Variants in MRPS31 observed in about 807,000 individuals in gnomAD.
MRPS31 encodes small ribosomal subunit protein mS31.
Under a neutral mutation model 43.1 loss-of-function variants are expected in MRPS31, and 32 were observed. That is an observed-to-expected ratio of 0.74 (90% CI 0.56 to 1.00). The LOEUF (loss-of-function observed/expected upper bound fraction) is 1.00, where lower values mean the gene tolerates loss of function less well. Among genes scored for constraint, MRPS31 ranks in the 50% least tolerant of loss-of-function variants. MRPS31 has a pLI of 0.00. For missense variants in MRPS31, 437 were observed against 466.7 expected (o/e 0.94, Z 0.59); for synonymous variants, 165 against 161.6 (o/e 1.02, Z -0.16).
rs1239981622 is a variant in MRPS31 at position 40,749,223 on chromosome 13, T to C, written c.873A>G (p.Glu291=). ...EFAKQLATVN[E]QPLQNGFEEL... is the part of the protein sequence containing the mutation. Reference sequence around the variant, plus strand: ...CTTCAAATCCATTCTGAAGGGGTTGTTCATTTACTGTGGCTAACTGCTTAG... The same window carrying C: ...CTTCAAATCCATTCTGAAGGGGTTGCTCATTTACTGTGGCTAACTGCTTAG... Residue 291 remains glutamate, a synonymous_variant, in exon 6 of 7, where the codon GAA becomes GAG. Transcript: ENST00000323563. 1 of 1,601,366 alleles carries C rather than the reference T, an allele frequency of 6.2e-7. No individual in the cohort carries two copies. The highest frequency in any genetic ancestry group is 1.1e-5 in the South Asian group (1 of 88,404).
chr13:40,751,934 T>A (rs1180926769), intron 5 of MRPS31, among the ~76,000 whole-genome samples: 1 of 152,206 alleles, frequency 6.6e-6, no homozygotes, highest in Non-Finnish European at 1.5e-5. Flanking sequence ...ATTTTTTTAT[T>A]TTAAAAAGTA....
chr13:40,757,598 C>T (rs1219602761), intron 3 of MRPS31, among the ~76,000 whole-genome samples: 1 of 151,548 alleles, frequency 6.6e-6, no homozygotes, highest in Non-Finnish European at 1.5e-5. Flanking sequence ...GCGTGTGCCA[C>T]CATGCCAGGC....
intron 2 of MRPS31, among the ~76,000 whole-genome samples, chr13:40,761,760 A>G (rs1027355415): frequency 1.2e-4 from 18 of 152,152 alleles, no homozygotes; most frequent in African/African-American, 4.3e-4. Flanking sequence ...CAATTTCAGA[A>G]AAGAATTCTG....
chr13:40,736,031 GA>G (rs1879894314), intron 6 of MRPS31, among the ~76,000 whole-genome samples: 1 of 143,024 alleles, frequency 7.0e-6, no homozygotes, highest in South Asian at 2.4e-4. Flanking sequence ...TGAAAACTTT[GA>G]AAAAAATTTA....
intron 3 of MRPS31, among the ~76,000 whole-genome samples, chr13:40,757,709 G>A (rs1880569425): frequency 6.8e-6 from 1 of 147,838 alleles, no homozygotes; most frequent in Non-Finnish European, 1.5e-5. Flanking sequence ...CTCTCACAGT[G>A]CTGGGATTAC....
At chr13:40,735,252 A>G (rs1266850658) in intron 6 of MRPS31, among the ~76,000 whole-genome samples, 1 of 152,220 alleles carries the variant, frequency 6.6e-6, no homozygotes, top group Non-Finnish European at 1.5e-5. Flanking sequence ...GCACCAGATT[A>G]TATCCCGCAC....
intron 6 of MRPS31, among the ~76,000 whole-genome samples, chr13:40,733,612 G>A (rs1482513714): frequency 6.6e-6 from 1 of 152,092 alleles, no homozygotes; most frequent in Non-Finnish European, 1.5e-5. Context: ...AAATAAAAGA[G>A]ATCACATACA....
intron 2 of MRPS31, among the ~76,000 whole-genome samples, chr13:40,761,748 T>C (rs557237778): frequency 6.6e-6 from 1 of 152,206 alleles, no homozygotes; most frequent in South Asian, 2.1e-4. Flanking sequence ...CTGTATGACA[T>C]ACAATTTCAG....
intron 5 of MRPS31, 174 bp from the exon 6 acceptor site, chr13:40,749,455 A>G (rs1880328975): frequency 2.4e-6 from 1 of 418,768 alleles, no homozygotes; most frequent in African/African-American, 2.1e-5. Flanking sequence ...AAAAATTGTA[A>G]CTACAATAAT....
chr13:40,738,526 G>A, intron 6 of MRPS31, among the ~76,000 whole-genome samples: 1 of 151,734 alleles, frequency 6.6e-6, no homozygotes, highest in African/African-American at 2.4e-5. Flanking sequence ...GAACATTGAT[G>A]CAAAAATCCT....
chr13:40,764,926 A>G (rs1011888231), intron 2 of MRPS31, among the ~76,000 whole-genome samples: 6 of 152,230 alleles, frequency 3.9e-5, no homozygotes, highest in African/African-American at 1.4e-4. Context: ...GAGGTAGTGT[A>G]GCCATGGTAA....
chr13:40,730,825 G>A (rs1171184098), intron 6 of MRPS31, among the ~76,000 whole-genome samples: 9 of 152,052 alleles, frequency 5.9e-5, no homozygotes. Flanking sequence ...CTCCCAAAGT[G>A]CTGGGATTAC....
intron 4 of MRPS31, among the ~76,000 whole-genome samples, chr13:40,754,590 G>A (rs1001434866): frequency 1.3e-5 from 2 of 152,070 alleles, no homozygotes; most frequent in African/African-American, 4.8e-5. Flanking sequence ...CTTTCTTTAC[G>A]TGACTATTTT....
At chr13:40,749,376 G>C in intron 5 of MRPS31, 95 bp from the exon 6 acceptor site, 1 of 945,918 alleles carries the variant, frequency 1.1e-6, no homozygotes, top group Admixed American at 3.5e-5. Context: ...GTATTTTTCA[G>C]ACCCTGACAT....
chr13:40,761,793 ATACT>A (rs1880701643), intron 2 of MRPS31, among the ~76,000 whole-genome samples: 1 of 152,188 alleles, frequency 6.6e-6, no homozygotes, highest in African/African-American at 2.4e-5. Context: ...AACTGAGTGG[ATACT>A]TAAATTGGCA....
chr13:40,747,942 A>C (rs1336985296), intron 6 of MRPS31, among the ~76,000 whole-genome samples: 1 of 152,214 alleles, frequency 6.6e-6, no homozygotes, highest in Non-Finnish European at 1.5e-5. Flanking sequence ...CTTTATGTTA[A>C]TTATATTATT....
Position 40,769,399 on chromosome 13 carries a change from T to C in MRPS31, c.152+1586A>G, listed in dbSNP as rs914298238. Among the ~76,000 whole-genome samples, 173 of 95,478 alleles carry C rather than the reference T, an allele frequency of 1.8e-3. 1 individual carries two copies. Among genetic ancestry groups the C allele is most frequent in the Admixed American group, 3.1e-3 (29 of 9,416 alleles). 62.6% of individuals were successfully genotyped at this position (95,478 alleles called of 152,430 possible). On this transcript the variant is annotated intron_variant, in intron 1 of 6. Transcript: ENST00000323563. The stretch of plus-strand genomic sequence containing the variant: ...ATATATATATATATATATATATATA[T>C]ATATATATATATATATATATATTAT...
intron 1 of MRPS31, among the ~76,000 whole-genome samples, chr13:40,767,934 C>T (rs1343962730): frequency 6.6e-6 from 1 of 152,126 alleles, no homozygotes; most frequent in Admixed American, 6.6e-5. Context: ...GCTACTTAAC[C>T]CATAACCATT....
At chr13:40,745,014 T>G (rs772810635) in intron 6 of MRPS31, among the ~76,000 whole-genome samples, 20 of 151,434 alleles carry the variant, frequency 1.3e-4, no homozygotes, top group Non-Finnish European at 2.1e-4. Flanking sequence ...CTCCCTGTCC[T>G]GAGTTCAAGA....
Sources: allele counts gnomAD v4.1 joint callset (sites outside exome capture counted in the v4.1 genomes callset), GRCh38; gene constraint gnomAD v4.1.1; transcripts MANE v1.5; gene names NCBI Gene and HGNC (gene_info 2026-07-23, HGNC 2026-07-21).